Variants in CFAP97 observed in about 807,000 individuals in gnomAD.
CFAP97 encodes the protein cilia and flagella associated protein 97, also known as cilia- and flagella-associated protein 97.
CFAP97 carries 36 observed loss-of-function variants against 43.1 expected under a neutral mutation model. That is an observed-to-expected ratio of 0.84 (90% CI 0.64 to 1.10). The LOEUF is 1.10. CFAP97 is among the 50% of genes least tolerant of loss of function. The pLI is 0.00. For synonymous variants in CFAP97, 228 were observed against 225.7 expected (o/e 1.01, Z -0.09); for missense variants, 657 against 620.3 (o/e 1.06, Z -0.63).
rs1734908766 is a variant in CFAP97, at chr4:185,162,567, T to C, written c.*231A>G. ...GAAGATACACATGCATACCACTATT[T>C]CTCTATTAAGAACACATACATCTCA... On this transcript the variant is annotated 3_prime_UTR_variant, in exon 5 of 5. Coordinates refer to ENST00000458385, the MANE Select transcript of CFAP97 (RefSeq NM_020827.3). 1 of 495,468 alleles carries C rather than the reference T, an allele frequency of 2.0e-6. No homozygotes were observed. The allele number at this position is 495,468 out of a possible 1,614,324, so 30.7% of individuals were successfully genotyped here. A position where few individuals can be genotyped will look rare whatever the true frequency, so the allele number is the denominator to read the frequency against.
intron 3 of CFAP97, among the ~76,000 whole-genome samples, chr4:185,172,850 CAAAA>C (rs1159858914): frequency 5.7e-5 from 3 of 52,744 alleles, no homozygotes; most frequent in Non-Finnish European, 1.3e-4. Context: ...CCCATCTCTA[CAAAA>C]AAAAAAAAAA....
chr4:185,165,414 A>C (rs1291316496), intron 3 of CFAP97, among the ~76,000 whole-genome samples: 1 of 152,234 alleles, frequency 6.6e-6, no homozygotes, highest in Non-Finnish European at 1.5e-5. Flanking sequence ...AGAATGTTAT[A>C]AATTTTGTTT....
intron 2 of CFAP97, among the ~76,000 whole-genome samples, chr4:185,188,287 C>G (rs1198263557): frequency 6.6e-6 from 1 of 151,600 alleles, no homozygotes; most frequent in Non-Finnish European, 1.5e-5. Flanking sequence ...TTCAAAGTAG[C>G]TGGGATTATA....
At chr4:185,175,672 T>C in intron 3 of CFAP97, 114 bp downstream of exon 3, 1 of 946,792 alleles carries the variant, frequency 1.1e-6, no homozygotes, top group Non-Finnish European at 1.6e-6. Flanking sequence ...ATACCGCACC[T>C]GCTTTTATGT....
At position 185,162,121 on chromosome 4, in the gene CFAP97, T is replaced by C. The variant is rs1032431064; in HGVS notation, c.*677A>G. On this transcript the variant is annotated 3_prime_UTR_variant, in exon 5 of 5. Transcript: ENST00000458385. ...ATGCATGAAAACACAAAAGGGAAGCTTCTAAGTTGAACTTTCTAATATTCA... is the reference window on the plus strand; with the variant it reads ...ATGCATGAAAACACAAAAGGGAAGCCTCTAAGTTGAACTTTCTAATATTCA... 2.0e-5 allele frequency: 3 copies of C among 152,222 alleles called. No individual in the cohort carries two copies. The highest frequency in any genetic ancestry group is 7.2e-5 in the African/African-American group (3 of 41,446). 9.4% of individuals were successfully genotyped at this position (152,222 alleles called of 1,614,324 possible).
intron 3 of CFAP97, among the ~76,000 whole-genome samples, chr4:185,173,452 C>T (rs914471147): frequency 6.6e-6 from 1 of 151,650 alleles, no homozygotes; most frequent in African/African-American, 2.4e-5. Context: ...CTCTATGTGG[C>T]CTTAAGGAAC....
chr4:185,175,999 AG>A lies in CFAP97; in HGVS notation c.1106del (p.Pro369LeufsTer3). 6.2e-7 allele frequency: 1 copy of A among 1,613,060 alleles called. No homozygotes were observed. Reference sequence around the variant, plus strand: ...AGTAGTTTTTCCCGGGTGCTACTGAAGGCTGATCAAAGTGATGTTTTTGTGG... The same window carrying A: ...AGTAGTTTTTCCCGGGTGCTACTGAAGCTGATCAAAGTGATGTTTTTGTGG... ...KGPQKHHFDQ[P>X]SVAPGKNYSF... On this transcript the variant is annotated frameshift_variant, in exon 3 of 5. Transcript: ENST00000458385. LOFTEE classifies it high-confidence loss of function.
chr4:185,177,783 G>A (rs936689967), intron 2 of CFAP97, among the ~76,000 whole-genome samples: 6 of 151,766 alleles, frequency 4.0e-5, no homozygotes, highest in Non-Finnish European at 5.9e-5. Context: ...TGCAGTGAGC[G>A]GAGATCATGC....
chr4:185,205,612 T>C (rs1304892891), upstream of CFAP97, among the ~76,000 whole-genome samples: 1 of 152,158 alleles, frequency 6.6e-6, no homozygotes, highest in Non-Finnish European at 1.5e-5. Flanking sequence ...GCGGATCACC[T>C]GAGGTCAGGA....
chr4:185,191,396 T>C (rs1340453515), intron 1 of CFAP97, among the ~76,000 whole-genome samples, 184 bp from the exon 2 acceptor site: 2 of 152,158 alleles, frequency 1.3e-5, no homozygotes, highest in African/African-American at 2.4e-5. Flanking sequence ...AGTAACAAGT[T>C]CTACCAATTA....
chr4:185,185,633 C>CTTTTTTTT (rs376786641), intron 2 of CFAP97, among the ~76,000 whole-genome samples: 1 of 105,958 alleles, frequency 9.4e-6, no homozygotes, highest in African/African-American at 3.6e-5. Flanking sequence ...ATTTGCCAAC[C>CTTTTTTTT]TTTTTTTTTT....
chr4:185,208,120 T>C (rs538577888), upstream of CFAP97, among the ~76,000 whole-genome samples: 27 of 152,236 alleles, frequency 1.8e-4, no homozygotes, highest in African/African-American at 6.3e-4. Flanking sequence ...TATTTTATTT[T>C]ATTTTTGAGA....
chr4:185,206,301 G>A (rs557919998), upstream of CFAP97, among the ~76,000 whole-genome samples: 3 of 152,282 alleles, frequency 2.0e-5, no homozygotes, highest in Admixed American at 6.5e-5. Flanking sequence ...TACATAAAAT[G>A]GAATATTATT....
chr4:185,209,774 C>CG (rs935021932), upstream of CFAP97: 2 of 983,834 alleles, frequency 2.0e-6, no homozygotes, highest in African/African-American at 3.5e-5. The surrounding 1 kb of genome is among the most constrained non-coding windows in gnomAD (Gnocchi z 5.2). Flanking sequence ...GGAGCGCCGG[C>CG]GGGGGACCGG....
chr4:185,202,084 C>T (rs988417987), intron 1 of CFAP97, among the ~76,000 whole-genome samples: 10 of 152,176 alleles, frequency 6.6e-5, no homozygotes, highest in Non-Finnish European at 1.3e-4. Context: ...GGGAGCTCCT[C>T]GTCACTTCCT....
chr4:185,188,093 C>T (rs897664131), intron 2 of CFAP97, among the ~76,000 whole-genome samples: 1 of 151,912 alleles, frequency 6.6e-6, no homozygotes, highest in Admixed American at 6.6e-5. Context: ...GATGGGGTTT[C>T]ACCACATTGG....
In CFAP97 at chr4:185,190,996, C is replaced by G; in HGVS notation, c.201G>C (p.Lys67Asn). The G allele has an allele frequency of 1.9e-6, 3 of 1,613,596 alleles. No individual in the cohort carries two copies. Among genetic ancestry groups the G allele is most frequent in the Non-Finnish European group, 2.5e-6 (3 of 1,179,686 alleles). Residue 67 changes from lysine to asparagine, a missense_variant, in exon 2 of 5, where the codon AAG becomes AAC. Coordinates refer to ENST00000458385, the MANE Select transcript of CFAP97 (RefSeq NM_020827.3). ...GAAATTTCACGTTTCTTTCATTTCC[C>G]TTCTCAGTAAGATAATTTTCTGTTG... ...MQTTENYLTE[K>N]GNERNVKFPP...
intron 3 of CFAP97, among the ~76,000 whole-genome samples, chr4:185,166,154 T>C (rs1735061292): frequency 6.6e-6 from 1 of 152,202 alleles, no homozygotes; most frequent in South Asian, 2.1e-4. Context: ...TGGTTCCCTT[T>C]GCTGAGCTGA....
chr4:185,196,156 A>C (rs531917806), intron 1 of CFAP97, among the ~76,000 whole-genome samples: 9 of 152,324 alleles, frequency 5.9e-5, no homozygotes, highest in African/African-American at 1.9e-4. Context: ...AAACTGACGA[A>C]GTAGAACACA....
Sources: allele counts gnomAD v4.1 joint callset (sites outside exome capture counted in the v4.1 genomes callset), GRCh38; gene constraint gnomAD v4.1.1; non-coding constraint Gnocchi (gnomAD v3.1); transcripts MANE v1.5; gene names NCBI Gene and HGNC (gene_info 2026-07-23, HGNC 2026-07-21).